Variants in SNX14 observed in about 807,000 individuals in gnomAD.
SNX14 encodes sorting nexin 14, also known as sorting nexin-14.
Under a neutral mutation model 133.8 loss-of-function variants are expected in SNX14, and 93 were observed. The observed-to-expected ratio is 0.70, with a 90% confidence interval of 0.59 to 0.83. SNX14 has a LOEUF of 0.83. Among genes scored for constraint, SNX14 ranks in the 40% least tolerant of loss-of-function variants. The probability of loss-of-function intolerance (pLI) is 0.00; values close to 1 mark genes in which losing one functional copy is unlikely to be tolerated. For synonymous variants in SNX14, 368 were observed against 365.6 expected (o/e 1.01, Z -0.07); for missense variants, 945 against 1,094.9 (o/e 0.86, Z 1.93).
intron 23 of SNX14, among the ~76,000 whole-genome samples, chr6:85,515,341 C>T (rs1452760309): frequency 2.8e-5 from 4 of 144,958 alleles, no homozygotes; most frequent in South Asian, 2.2e-4. Context: ...AAAAATCCAG[C>T]GTTAGGTGAA....
Position 85,508,019 on chromosome 6 carries a change from T to C in SNX14, c.2694A>G (p.Glu898=), listed in dbSNP as rs1392672122. 1 of 1,613,112 alleles carries C rather than the reference T, an allele frequency of 6.2e-7. No individual in the cohort carries two copies. Among genetic ancestry groups the C allele is most frequent in the Non-Finnish European group, 8.5e-7 (1 of 1,179,512 alleles). ...AGCCATCAAACAGAAGTCTGATGCT[T>C]TCATACTTGGTTTCTTCACCAATAC... ...VKCIGEETKY[E]SIRLLFDGLQ... The change falls in exon 27 of 29, where the codon GAA becomes GAG. Residue 898 remains glutamate (E), a synonymous_variant. Coordinates refer to ENST00000314673, the MANE Select transcript of SNX14 (RefSeq NM_153816.6).
chr6:85,538,915 C>T (rs1199677788), intron 15 of SNX14, 51 bp from the exon 16 acceptor site: 1 of 1,459,824 alleles, frequency 6.9e-7, no homozygotes, highest in Admixed American at 2.3e-5. Flanking sequence ...GAAAGAAAGC[C>T]CAGATATTAT....
chr6:85,591,269 TA>T lies in SNX14; in HGVS notation c.140+2309del, dbSNP rs1802675215. Among the ~76,000 whole-genome samples the T allele has an allele frequency of 1.3e-5, 2 of 152,154 alleles. 1 individual carries two copies. Among genetic ancestry groups the T allele is most frequent in the Middle Eastern group, 6.8e-3 (2 of 292 alleles). ...ATACACACATAAGTTTTTTTTTTTT[TA>T]ATCACACATATACACTGAAAAGCAT... On this transcript the variant is annotated intron_variant, in intron 1 of 28. Transcript: ENST00000314673.
At chr6:85,592,150 T>C (rs966318535) in intron 1 of SNX14, among the ~76,000 whole-genome samples, 1 of 152,242 alleles carries the variant, frequency 6.6e-6, no homozygotes, top group African/African-American at 2.4e-5. Context: ...ATCCCACTTC[T>C]CCCACACTCC....
chr6:85,533,031 C>T (rs1352747418), intron 18 of SNX14, among the ~76,000 whole-genome samples: 1 of 152,110 alleles, frequency 6.6e-6, no homozygotes, highest in African/African-American at 2.4e-5. Context: ...GGACTACAGG[C>T]ACGCACCAAG....
Position 85,590,940 on chromosome 6 carries a change from A to G in SNX14, c.140+2639T>C, listed in dbSNP as rs1404846736. On this transcript the variant is annotated intron_variant, in intron 1 of 28. Coordinates refer to ENST00000314673, the MANE Select transcript of SNX14 (RefSeq NM_153816.6). ...CAATCACAGCTGCAAACCTCAATCC[A>G]TAGTACATACCAAGCATTTCACTTT... Among the ~76,000 whole-genome samples the G allele has an allele frequency of 1.3e-5, 2 of 152,294 alleles. 1 individual carries two copies. The highest frequency in any genetic ancestry group is 4.8e-5 in the African/African-American group (2 of 41,542).
In SNX14 at chr6:85,507,298, C is replaced by T. The variant is rs1395347757; in HGVS notation, c.2746-9G>A. ...AATAAAACATAAGTCAGCTAAAGCA[C>T]CAAAAAATAATAATAATAAATGTTA... On this transcript the variant is annotated splice_polypyrimidine_tract_variant and intron_variant, in intron 27 of 28. Transcript: ENST00000314673. 1.3e-6 allele frequency: 2 copies of T among 1,594,876 alleles called. No homozygotes were observed. Among genetic ancestry groups the T allele is most frequent in the African/African-American group, 1.4e-5 (1 of 73,872 alleles).
intron 26 of SNX14, among the ~76,000 whole-genome samples, chr6:85,508,713 C>T (rs1312740007): frequency 1.3e-5 from 2 of 152,060 alleles, no homozygotes; most frequent in South Asian, 2.1e-4. Context: ...TAGGGTCCAA[C>T]GAGTTCAGAT....
In SNX14 at chr6:85,512,621, CAA is replaced by C. The variant is rs11336326; in HGVS notation, c.2653+1177_2653+1178del. Among the ~76,000 whole-genome samples, 896 of 123,476 alleles carry C rather than the reference CAA, an allele frequency of 7.3e-3. 3 individuals carry two copies. Among genetic ancestry groups the C allele is most frequent in the African/African-American group, 0.017 (562 of 33,144 alleles). 81.0% of individuals were successfully genotyped at this position (123,476 alleles called of 152,430 possible). ...TTGGTGACACAGTGGGGCTCTGTCT[CAA>C]AAAAAAAAAAAAAAAAATGTGGATG... On this transcript the variant is annotated intron_variant, in intron 26 of 28. Transcript: ENST00000314673.
intron 1 of SNX14, among the ~76,000 whole-genome samples, chr6:85,577,529 A>G (rs1797729539): frequency 6.6e-6 from 1 of 152,192 alleles, no homozygotes; most frequent in East Asian, 1.9e-4. Context: ...TTCCACAAGC[A>G]CCTAAATATT....
intron 15 of SNX14, among the ~76,000 whole-genome samples, chr6:85,540,331 A>G (rs1232553688): frequency 6.6e-6 from 1 of 152,194 alleles, no homozygotes; most frequent in African/African-American, 2.4e-5. Context: ...AGGGCATGTC[A>G]TTAGCTCCAC....
intron 1 of SNX14, among the ~76,000 whole-genome samples, chr6:85,574,727 T>C (rs1336579512): frequency 1.3e-5 from 2 of 152,208 alleles, no homozygotes; most frequent in Non-Finnish European, 2.9e-5. Context: ...CAAAAAAATT[T>C]TACTAAGTAC....
Position 85,550,610 on chromosome 6 carries a change from G to A in SNX14, c.635-731C>T, listed in dbSNP as rs115787659. 3.8e-3 allele frequency among the ~76,000 whole-genome samples: 585 copies of A among 151,976 alleles called. 2 individuals carry two copies. Among genetic ancestry groups the A allele is most frequent in the African/African-American group, 0.013 (558 of 41,458 alleles). On this transcript the variant is annotated intron_variant, in intron 7 of 28. Transcript: ENST00000314673. ...ACCTCCTTGGCTCAAGTGATCCTCCGACTTGAGCCTCCAGAGTAGCTGGGC... is the reference window on the plus strand; with the variant it reads ...ACCTCCTTGGCTCAAGTGATCCTCCAACTTGAGCCTCCAGAGTAGCTGGGC...
At chr6:85,516,882 T>A (rs943898648) in intron 23 of SNX14, among the ~76,000 whole-genome samples, 1 of 152,020 alleles carries the variant, frequency 6.6e-6, no homozygotes, top group African/African-American at 2.4e-5. Context: ...AAGTGATCCA[T>A]CCACCTTGGC....
intron 26 of SNX14, among the ~76,000 whole-genome samples, chr6:85,510,685 T>TCG (rs1185334523): frequency 6.6e-6 from 1 of 152,214 alleles, no homozygotes; most frequent in African/African-American, 2.4e-5. Context: ...TAAGAAGTCA[T>TCG]CGCCAAACAG....
chr6:85,584,338 G>A (rs1799984400), intron 1 of SNX14, among the ~76,000 whole-genome samples: 1 of 152,058 alleles, frequency 6.6e-6, no homozygotes, highest in African/African-American at 2.4e-5. Context: ...CACAGGCATG[G>A]GCAAAGACTT....
In SNX14 at chr6:85,549,769, C is replaced by T. The variant is rs754339932; in HGVS notation, c.745G>A (p.Glu249Lys). Reference sequence around the variant, plus strand: ...GGCAAAATATAAGGAAAAAGCAGTTCAGTAAGTTTCCTTAAATAGTGCAAT... The same window carrying T: ...GGCAAAATATAAGGAAAAAGCAGTTTAGTAAGTTTCCTTAAATAGTGCAAT... ...DELHYLRKLT[E>K]LLFPYILPPK... Residue 249 changes from glutamate (E) to lysine (K), a missense_variant, in exon 8 of 29, where the codon GAA (glutamate) becomes AAA (lysine). Physicochemically the swap from Glu to Lys is moderately conservative, Grantham distance 56. Around this residue, in one of 3 missense-constraint regions of SNX14, gnomAD observed 514 missense variants for 538.8 expected, o/e 0.95. Coordinates refer to ENST00000314673, the MANE Select transcript of SNX14 (RefSeq NM_153816.6). 1 of 1,613,804 alleles carries T rather than the reference C, an allele frequency of 6.2e-7. No individual in the cohort carries two copies. Among genetic ancestry groups the T allele is most frequent in the Non-Finnish European group, 8.5e-7 (1 of 1,179,870 alleles).
At chr6:85,560,629 T>C (rs1791232516) in intron 6 of SNX14, among the ~76,000 whole-genome samples, 2 of 152,204 alleles carry the variant, frequency 1.3e-5, no homozygotes, top group African/African-American at 4.8e-5. Flanking sequence ...GTGAATTACA[T>C]GGTATGTAAA....
intron 1 of SNX14, among the ~76,000 whole-genome samples, chr6:85,583,112 T>C (rs942620179): frequency 1.3e-5 from 2 of 152,088 alleles, no homozygotes; most frequent in Non-Finnish European, 2.9e-5. Context: ...CATACACAAA[T>C]CAATAAACAT....
Sources: allele counts gnomAD v4.1 joint callset (sites outside exome capture counted in the v4.1 genomes callset), GRCh38; gene constraint gnomAD v4.1.1; regional missense constraint gnomAD v4.1.1; transcripts MANE v1.5; gene names NCBI Gene and HGNC (gene_info 2026-07-23, HGNC 2026-07-21).